ZNF766: variants seen among roughly 807,000 people sequenced by gnomAD.
ZNF766 encodes zinc finger protein 766.
ZNF766 carries 13 observed loss-of-function variants against 13.2 expected under a neutral mutation model. The ratio of observed to expected loss-of-function variants is 0.98; its 90% CI spans 0.64 to 1.56. ZNF766 has a LOEUF of 1.56. Ranked by LOEUF, ZNF766 falls within the 40% of genes most tolerant of loss-of-function variation. The pLI is 0.00. For missense variants in ZNF766, 521 were observed against 552.2 expected (o/e 0.94, Z 0.57); for synonymous variants, 178 against 187.6 (o/e 0.95, Z 0.42).
chr19:52,283,353 A>G lies in ZNF766; in HGVS notation c.214A>G (p.Asn72Asp). Reference sequence around the variant, plus strand: ...AAGGACAGAGCCCTGGACTGTGGAGAATGAAATGAAAGTAGCAAAAAATCC... The same window carrying G: ...AAGGACAGAGCCCTGGACTGTGGAGGATGAAATGAAAGTAGCAAAAAATCC... ...KQRTEPWTVE[N>D]EMKVAKNPDR... is the part of the protein sequence containing the mutation. The change falls in exon 3 of 4, where the codon AAT (asparagine) becomes GAT (aspartate). Residue 72 changes from asparagine (N) to aspartate (D), a missense_variant. Coordinates refer to ENST00000439461, the MANE Select transcript of ZNF766 (RefSeq NM_001010851.3). The G allele has an allele frequency of 6.2e-7, 1 of 1,613,456 alleles. No homozygotes were observed. Among genetic ancestry groups the G allele is most frequent in the Non-Finnish European group, 8.5e-7 (1 of 1,179,592 alleles).
At position 52,292,347 on chromosome 19, in the gene ZNF766, C is replaced by T. The variant is rs1321380853; in HGVS notation, c.*1149C>T. ...GTCATCATGCTTATTGCAGTTAGCA[C>T]ACACTTTTCCTGACAGGCACAGTGC... On this transcript the variant is annotated 3_prime_UTR_variant, in exon 4 of 4. Coordinates refer to ENST00000439461, the MANE Select transcript of ZNF766 (RefSeq NM_001010851.3). 1.7e-6 allele frequency: 1 copy of T among 605,212 alleles called. No homozygotes were observed. Among genetic ancestry groups the T allele is most frequent in the Non-Finnish European group, 2.9e-6 (1 of 340,066 alleles). The allele number at this position is 605,212 out of a possible 1,614,324, so 37.5% of individuals were successfully genotyped here. A position where few individuals can be genotyped will look rare whatever the true frequency, so the allele number is the denominator to read the frequency against.
At chr19:52,289,894 G>C (rs1271394337) in intron 3 of ZNF766, among the ~76,000 whole-genome samples, 172 bp from the exon 4 acceptor site, 1 of 152,180 alleles carries the variant, frequency 6.6e-6, no homozygotes. Context: ...CCAGCTACTT[G>C]GGAGGCTGAG....
rs1176225738 is a variant in ZNF766 at position 52,293,283 on chromosome 19, C to T, written c.*2085C>T. The T allele has an allele frequency of 6.6e-6, 1 of 150,722 alleles. No individual in the cohort carries two copies. Among genetic ancestry groups the T allele is most frequent in the Non-Finnish European group, 1.5e-5 (1 of 67,904 alleles). The allele number at this position is 150,722 out of a possible 1,614,324, so 9.3% of individuals were successfully genotyped here. ...CTGCCTCCCGGGTTCAAGTGATTCT[C>T]CTGTCTACACCTCCCAAGTAGCTGG... On this transcript the variant is annotated 3_prime_UTR_variant, in exon 4 of 4. Transcript: ENST00000439461.
chr19:52,277,192 G>T, intron 1 of ZNF766: 5 of 1,183,464 alleles, frequency 4.2e-6, no homozygotes, highest in Non-Finnish European at 5.3e-6. Context: ...GGGCGCGGGG[G>T]CTCATACCTG....
At chr19:52,281,971 CA>C (rs1981546980) in intron 1 of ZNF766, 139 bp from the exon 2 acceptor site, 2 of 1,037,084 alleles carry the variant, frequency 1.9e-6, no homozygotes, top group East Asian at 2.8e-5. Flanking sequence ...ATAACTAGCT[CA>C]AAAATACCTT....
intron 1 of ZNF766, 63 bp from the exon 2 acceptor site, chr19:52,282,048 C>T: frequency 1.3e-6 from 2 of 1,560,700 alleles, no homozygotes; most frequent in Non-Finnish European, 1.7e-6. Flanking sequence ...ACCCTCTTCT[C>T]ATTTCGTGTG....
chr19:52,282,948 G>T (rs559823071), intron 2 of ZNF766, among the ~76,000 whole-genome samples: 1 of 152,218 alleles, frequency 6.6e-6, no homozygotes, highest in South Asian at 2.1e-4. Flanking sequence ...TTCTTGATTA[G>T]TTTTTTTATT....
In ZNF766 at chr19:52,291,162, T is replaced by C; in HGVS notation, c.1371T>C (p.His457=). Reference sequence around the variant, plus strand: ...GGCACAGTTCATGGTTTGTACAGCATCAGAGAAGTGTTCATGAGAGAGTCC... The same window carrying C: ...GGCACAGTTCATGGTTTGTACAGCACCAGAGAAGTGTTCATGAGAGAGTCC... ...VFRHSSWFVQ[H]QRSVHERVLT... The change falls in exon 4 of 4, where the codon CAT becomes CAC. Residue 457 remains histidine, a synonymous_variant. Coordinates refer to ENST00000439461, the MANE Select transcript of ZNF766 (RefSeq NM_001010851.3). 1 of 1,599,234 alleles carries C rather than the reference T, an allele frequency of 6.3e-7. No individual in the cohort carries two copies. The highest frequency in any genetic ancestry group is 8.5e-7 in the Non-Finnish European group (1 of 1,172,330).
intron 1 of ZNF766, 62 bp from the exon 2 acceptor site, chr19:52,282,049 A>G: frequency 6.4e-7 from 1 of 1,562,048 alleles, no homozygotes. Context: ...CCCTCTTCTC[A>G]TTTCGTGTGA....
rs1489569561 is a variant in ZNF766 at position 52,286,184 on chromosome 19, CTT to C, written c.274+2774_274+2775del. On this transcript the variant is annotated intron_variant, in intron 3 of 3. Coordinates refer to ENST00000439461, the MANE Select transcript of ZNF766 (RefSeq NM_001010851.3). ...GAAAGAAAGAAAGAATCCAAGTGGG[CTT>C]TTCCCCCCTAATTATAAAGGAAAAG... 5.2e-3 allele frequency among the ~76,000 whole-genome samples: 642 copies of C among 122,820 alleles called. 18 individuals carry two copies. The highest frequency in any genetic ancestry group is 0.019 in the African/African-American group (554 of 29,430). The allele number at this position is 122,820 out of a possible 152,430, so 80.6% of individuals were successfully genotyped here.
rs1479201476 is a variant in ZNF766, at chr19:52,287,722, C to T, written c.275-2344C>T. On this transcript the variant is annotated intron_variant, in intron 3 of 3. Coordinates refer to ENST00000439461, the MANE Select transcript of ZNF766 (RefSeq NM_001010851.3). ...AGTCTTGGTAAGTGGTGTCTATCTA[C>T]AAATTTATCCATTTTTTTCTTGGTT... 2.6e-5 allele frequency among the ~76,000 whole-genome samples: 4 copies of T among 152,166 alleles called. No individual in the cohort carries two copies. The East Asian group carries it at 7.7e-4, about 29-fold the overall frequency.
rs71254004 is a variant in ZNF766, at chr19:52,286,188, T to TCCCCC, written c.274+2777_274+2781dup. On this transcript the variant is annotated intron_variant, in intron 3 of 3. Transcript: ENST00000439461. Reference sequence around the variant, plus strand: ...GAAAGAAAGAATCCAAGTGGGCTTTTCCCCCCTAATTATAAAGGAAAAGCC... The same window carrying TCCCCC: ...GAAAGAAAGAATCCAAGTGGGCTTTTCCCCCCCCCCCTAATTATAAAGGAAAAGCC... Among the ~76,000 whole-genome samples the TCCCCC allele has an allele frequency of 2.0e-3, 292 of 146,574 alleles. 8 individuals carry two copies. The highest frequency in any genetic ancestry group is 7.1e-3 in the African/African-American group (264 of 37,258).
chr19:52,279,579 C>T (rs1320947606), intron 1 of ZNF766, among the ~76,000 whole-genome samples: 1 of 151,790 alleles, frequency 6.6e-6, no homozygotes, highest in Non-Finnish European at 1.5e-5. Context: ...TTTTAATGGA[C>T]AAAGCAATGG....
intron 1 of ZNF766, among the ~76,000 whole-genome samples, chr19:52,269,853 T>G (rs565534069): frequency 3.6e-4 from 55 of 152,288 alleles, no homozygotes; most frequent in African/African-American, 1.2e-3. Context: ...CGCGCCGTTT[T>G]CCTGCTTAAA....
Position 52,290,703 on chromosome 19 carries a change from T to A in ZNF766, c.912T>A (p.Cys304Ter). ...TREKPHKCNKCGKVYSSSSYL... is the reference protein window; with the variant it reads ...TREKPHKCNK ...AGAAACCTCATAAATGTAACAAATG[T>A]GGCAAGGTTTATAGTAGCAGTTCAT... The change falls in exon 4 of 4, where the codon TGT becomes TGA. Residue 304 changes from cysteine (C) to a stop codon, truncating the protein, a stop_gained. Coordinates refer to ENST00000439461, the MANE Select transcript of ZNF766 (RefSeq NM_001010851.3). LOFTEE classifies it low-confidence loss of function (END_TRUNC). 1 of 1,613,922 alleles carries A rather than the reference T, an allele frequency of 6.2e-7. No individual in the cohort carries two copies. The highest frequency in any genetic ancestry group is 8.5e-7 in the Non-Finnish European group (1 of 1,179,888).
rs1420271072 is a variant in ZNF766, at chr19:52,293,165, T to C, written c.*1967T>C. On this transcript the variant is annotated 3_prime_UTR_variant, in exon 4 of 4. Coordinates refer to ENST00000439461, the MANE Select transcript of ZNF766 (RefSeq NM_001010851.3). ...TGAACTCATCCTTTTTATGGCTGCATAGTATTCCTTTTTTTTTTTTTTTTT... is the reference window on the plus strand; with the variant it reads ...TGAACTCATCCTTTTTATGGCTGCACAGTATTCCTTTTTTTTTTTTTTTTT... 6.7e-6 allele frequency: 1 copy of C among 149,196 alleles called. No homozygotes were observed. Among genetic ancestry groups the C allele is most frequent in the African/African-American group, 2.5e-5 (1 of 40,356 alleles). 9.2% of individuals were successfully genotyped at this position (149,196 alleles called of 1,614,324 possible). A position where few individuals can be genotyped will look rare whatever the true frequency, so the allele number is the denominator to read the frequency against.
At position 52,291,344 on chromosome 19, in the gene ZNF766, A is replaced by G; in HGVS notation, c.*146A>G. 1 of 795,542 alleles carries G rather than the reference A, an allele frequency of 1.3e-6. No individual in the cohort carries two copies. The allele number at this position is 795,542 out of a possible 1,614,324, so 49.3% of individuals were successfully genotyped here. ...GACATCGAAACATTCATCTTTGGTG[A>G]AACCACACAAATGGATTGTGTGTGC... On this transcript the variant is annotated 3_prime_UTR_variant, in exon 4 of 4. Transcript: ENST00000439461.
Position 52,290,285 on chromosome 19 carries a change from G to C in ZNF766, c.494G>C (p.Arg165Thr). Residue 165 changes from arginine (R) to threonine (T), a missense_variant, in exon 4 of 4, where the codon AGG becomes ACG. Arg to Thr is a moderately conservative substitution (Grantham distance 71). Coordinates refer to ENST00000439461, the MANE Select transcript of ZNF766 (RefSeq NM_001010851.3). ...GVKTHIFNKH[R>T]NDFVDFPLLS... The stretch of plus-strand genomic sequence containing the variant: ...AAAACCCACATATTTAATAAACATA[G>C]GAATGATTTTGTTGATTTTCCATTG... 1.2e-6 allele frequency: 2 copies of C among 1,613,764 alleles called. No homozygotes were observed. Among genetic ancestry groups the C allele is most frequent in the Non-Finnish European group, 1.7e-6 (2 of 1,179,804 alleles).
Position 52,279,789 on chromosome 19 carries a change from C to CTTTTTTTTTT in ZNF766, c.19-2307_19-2298dup, listed in dbSNP as rs984101828. Among the ~76,000 whole-genome samples, 18 of 64,882 alleles carry CTTTTTTTTTT rather than the reference C, an allele frequency of 2.8e-4. 2 individuals carry two copies. Among genetic ancestry groups the CTTTTTTTTTT allele is most frequent in the African/African-American group, 6.2e-4 (9 of 14,452 alleles). 42.6% of individuals were successfully genotyped at this position (64,882 alleles called of 152,430 possible). ...TTTTTTTTTTCATGATTTACCTTTT[C>CTTTTTTTTTT]TTTTTTTTTTTTTTTTTTTTTTTTG... On this transcript the variant is annotated intron_variant, in intron 1 of 3. Coordinates refer to ENST00000439461, the MANE Select transcript of ZNF766 (RefSeq NM_001010851.3).
Sources: allele counts gnomAD v4.1 joint callset (sites outside exome capture counted in the v4.1 genomes callset), GRCh38; gene constraint gnomAD v4.1.1; transcripts MANE v1.5; gene names NCBI Gene and HGNC (gene_info 2026-07-23, HGNC 2026-07-21).